The following ANK3 variants were observed in gnomAD, a reference collection of about 807,000 sequenced individuals.
ANK3 encodes ankyrin-3.
ANK3 carries 57 observed loss-of-function variants against 370.9 expected under a neutral mutation model. That is an observed-to-expected ratio of 0.15 (90% confidence interval 0.12 to 0.19). The LOEUF (loss-of-function observed/expected upper bound fraction) is 0.19. ANK3 is among the 10% of genes least tolerant of loss of function. The pLI is 1.00. For synonymous variants in ANK3, 1,929 were observed against 1,946.3 expected, an observed-to-expected ratio of 0.99 and a Z score of 0.23; for missense variants, 4,439 against 5,302.1, an observed-to-expected ratio of 0.84 and a Z score of 5.06.
chr10:60,723,989 T>A (rs917021926), intron 1 of ANK3, among the ~76,000 whole-genome samples: 1 of 148,396 alleles, frequency 6.7e-6, no homozygotes, highest in Non-Finnish European at 1.5e-5. Flanking sequence ...GGCGGGCTGA[T>A]CACGAGGTCA....
chr10:60,198,840 C>A (rs2096627983), intron 13 of ANK3, among the ~76,000 whole-genome samples: 1 of 152,146 alleles, frequency 6.6e-6, no homozygotes, highest in African/African-American at 2.4e-5. Context: ...ATTGCTCCTT[C>A]TTTGGGAGAT....
chr10:60,401,017 T>C (rs924012286), intron 2 of ANK3, among the ~76,000 whole-genome samples: 2 of 151,414 alleles, frequency 1.3e-5, no homozygotes, highest in Non-Finnish European at 3.0e-5. Flanking sequence ...AAGCCATTTT[T>C]ATTCATTTTT....
At chr10:60,191,523 A>C (rs1282636342) in intron 16 of ANK3, among the ~76,000 whole-genome samples, 1 of 152,196 alleles carries the variant, frequency 6.6e-6, no homozygotes, top group African/African-American at 2.4e-5. Flanking sequence ...CAAAACCACA[A>C]TTAGATACCA....
intron 32 of ANK3, 76 bp downstream of exon 32, chr10:60,084,526 T>C (rs1223232432): frequency 1.7e-6 from 2 of 1,156,532 alleles, no homozygotes; most frequent in South Asian, 2.5e-5. Flanking sequence ...TTATAGTGAG[T>C]GCTATTAAGA....
intron 11 of ANK3, among the ~76,000 whole-genome samples, chr10:60,204,530 G>A (rs2096731901): frequency 6.6e-6 from 1 of 152,132 alleles, no homozygotes; most frequent in Non-Finnish European, 1.5e-5. Context: ...AAAATTCTAA[G>A]TGTAAATCTA....
intron 1 of ANK3, among the ~76,000 whole-genome samples, chr10:60,721,750 C>T (rs769829156): frequency 8.5e-5 from 13 of 152,174 alleles, no homozygotes; most frequent in Non-Finnish European, 1.6e-4. Context: ...AAGGTATTTA[C>T]TCATCCCTGC....
At chr10:60,453,765 G>A (rs1488570851) in intron 2 of ANK3, among the ~76,000 whole-genome samples, 1 of 152,008 alleles carries the variant, frequency 6.6e-6, no homozygotes, top group Non-Finnish European at 1.5e-5. Flanking sequence ...CACACACAGA[G>A]TGTGTGTTAA....
chr10:60,043,999 C>CTGTT, intron 42 of ANK3: 2 of 985,830 alleles, frequency 2.0e-6, no homozygotes, highest in Non-Finnish European at 2.4e-6. Flanking sequence ...AGATGCCAGC[C>CTGTT]TGTTAGCAGC....
intron 10 of ANK3, among the ~76,000 whole-genome samples, chr10:60,207,099 G>A (rs935309818): frequency 6.6e-6 from 1 of 152,144 alleles, no homozygotes; most frequent in African/African-American, 2.4e-5. Flanking sequence ...TGATAGACTG[G>A]GTGGGTCAAC....
At chr10:60,486,598 C>T (rs532429321) in intron 2 of ANK3, among the ~76,000 whole-genome samples, 24 of 152,166 alleles carry the variant, frequency 1.6e-4, no homozygotes, top group African/African-American at 5.5e-4. Context: ...AACAATGAAA[C>T]CTATGGTTAT....
chr10:60,642,403 C>G (rs1028550011), intron 1 of ANK3, among the ~76,000 whole-genome samples: 3 of 151,904 alleles, frequency 2.0e-5, no homozygotes, highest in African/African-American at 7.3e-5. Flanking sequence ...CAATGATAGA[C>G]TGGATTAAGA....
chr10:60,236,396 G>A (rs780963434), intron 7 of ANK3, among the ~76,000 whole-genome samples: 2 of 150,178 alleles, frequency 1.3e-5, no homozygotes, highest in Admixed American at 6.6e-5. Flanking sequence ...TTGGAGGGTC[G>A]ACATATTGCA....
intron 8 of ANK3, among the ~76,000 whole-genome samples, chr10:60,218,070 T>C (rs1356968157): frequency 6.6e-6 from 1 of 151,650 alleles, no homozygotes; most frequent in African/African-American, 2.4e-5. Flanking sequence ...AGACTAGGAT[T>C]GCAACCCCTG....
chr10:60,382,713 T>C (rs908871047), intron 1 of ANK3, among the ~76,000 whole-genome samples: 1 of 151,562 alleles, frequency 6.6e-6, no homozygotes, highest in African/African-American at 2.4e-5. Context: ...TTGTTATTTC[T>C]TGAAAATAAA....
chr10:60,334,210 C>A (rs536706307), intron 1 of ANK3, among the ~76,000 whole-genome samples: 2 of 152,254 alleles, frequency 1.3e-5, no homozygotes, highest in Admixed American at 6.5e-5. Flanking sequence ...TTTTTACCAA[C>A]ACTTAATACA....
At chr10:60,107,086 A>G (rs1351268999) in intron 27 of ANK3, among the ~76,000 whole-genome samples, 1 of 152,158 alleles carries the variant, frequency 6.6e-6, no homozygotes, top group Non-Finnish European at 1.5e-5. Context: ...ATGAATATCG[A>G]TTTATTAGAA....
intron 43 of ANK3, among the ~76,000 whole-genome samples, chr10:60,031,863 G>C (rs779450926): frequency 7.9e-5 from 12 of 152,086 alleles, no homozygotes; most frequent in Non-Finnish European, 1.3e-4. Flanking sequence ...GGTCACTAAT[G>C]CTTGGAGCCA....
chr10:60,640,730 A>T (rs1329821848), intron 1 of ANK3, among the ~76,000 whole-genome samples: 1 of 80,276 alleles, frequency 1.2e-5, no homozygotes, highest in Non-Finnish European at 2.8e-5. Context: ...AACTGGCACA[A>T]GACAGCGATG....
Position 60,278,845 on chromosome 10 carries a change from A to C in ANK3, c.343T>G (p.Ser115Ala). The C allele has an allele frequency of 6.2e-7, 1 of 1,613,922 alleles. No individual in the cohort carries two copies. Among genetic ancestry groups the C allele is most frequent in the Non-Finnish European group, 8.5e-7 (1 of 1,179,932 alleles). Residue 115 changes from serine (S) to alanine (A), a missense_variant, in exon 4 of 44, where the codon TCT becomes GCT. Around this residue, in one of 13 missense-constraint regions of ANK3, gnomAD observed 136 missense variants for 230.5 expected, o/e 0.59. Transcript: ENST00000280772. ...ACCACCTCTGCTTGCCCAGCCAAAG[A>C]TGCGATGTGCAATGCTGTGTTTCCT... ...KKGNTALHIA[S>A]LAGQAEVVKV...
Sources: gnomAD v4.1 joint callset for allele counts (sites outside exome capture counted in the v4.1 genomes callset) on GRCh38, gnomAD v4.1.1 for gene constraint, gnomAD v4.1.1 regional missense constraint, MANE v1.5 for transcripts, NCBI Gene and HGNC (gene_info 2026-07-23, HGNC 2026-07-21) for gene names.